NAALADL2: variants seen among roughly 807,000 people sequenced by gnomAD.
The protein encoded by NAALADL2 is N-acetylated alpha-linked acidic dipeptidase like 2, also known as inactive N-acetylated-alpha-linked acidic dipeptidase-like protein 2.
Under a neutral mutation model 87.2 loss-of-function variants are expected in NAALADL2, and 76 were observed. That is an observed-to-expected ratio of 0.87 (90% confidence interval 0.72 to 1.05). The LOEUF (loss-of-function observed/expected upper bound fraction) is 1.05, where lower values mean the gene tolerates loss of function less well. Among genes scored for constraint, NAALADL2 ranks in the 50% least tolerant of loss-of-function variants. The pLI is 0.00. For missense variants in NAALADL2, 1,089 were observed against 945.8 expected, an observed-to-expected ratio of 1.15 and a Z score of -1.99; for synonymous variants, 354 against 331.0, an observed-to-expected ratio of 1.07 and a Z score of -0.75.
At chr3:175,391,565 G>A (rs961590444) in intron 5 of NAALADL2, among the ~76,000 whole-genome samples, 9 of 152,188 alleles carry the variant, frequency 5.9e-5, no homozygotes, top group Admixed American at 5.2e-4. Context: ...ACTGAACATT[G>A]ACAGCAAACC....
intron 1 of NAALADL2, among the ~76,000 whole-genome samples, chr3:174,526,575 T>G (rs1231260924): frequency 6.6e-6 from 1 of 152,248 alleles, no homozygotes; most frequent in African/African-American, 2.4e-5. Flanking sequence ...TTCATAATTT[T>G]TCCATGGGAA....
chr3:175,177,919 T>G (rs572028247), intron 2 of NAALADL2, among the ~76,000 whole-genome samples: 2 of 152,012 alleles, frequency 1.3e-5, no homozygotes, highest in South Asian at 4.1e-4. Context: ...TCTAGTGTCA[T>G]GGGTATTGTC....
intron 2 of NAALADL2, among the ~76,000 whole-genome samples, chr3:174,646,460 T>C (rs1723789759): frequency 6.6e-6 from 1 of 152,104 alleles, no homozygotes; most frequent in Admixed American, 6.5e-5. Context: ...GCTATGTGTT[T>C]GTGTGTGTGT....
At chr3:175,199,327 T>C (rs1005419519) in intron 2 of NAALADL2, among the ~76,000 whole-genome samples, 1 of 152,244 alleles carries the variant, frequency 6.6e-6, no homozygotes, top group Middle Eastern at 3.4e-3. Context: ...ATTCACAGTA[T>C]CTTTTTTTCT....
At chr3:174,819,263 C>T (rs1286023728) in intron 3 of NAALADL2, among the ~76,000 whole-genome samples, 1 of 151,530 alleles carries the variant, frequency 6.6e-6, no homozygotes, top group Non-Finnish European at 1.5e-5. Context: ...GAGGGTTTCA[C>T]CATGTTGCCC....
At chr3:175,531,563 G>C (rs1195093934) in intron 9 of NAALADL2, among the ~76,000 whole-genome samples, 2 of 152,226 alleles carry the variant, frequency 1.3e-5, no homozygotes, top group Non-Finnish European at 2.9e-5. Context: ...CTCTCAATAA[G>C]ATTATGACAC....
chr3:174,520,752 C>A (rs527925334), intron 1 of NAALADL2, among the ~76,000 whole-genome samples: 1 of 152,194 alleles, frequency 6.6e-6, no homozygotes, highest in African/African-American at 2.4e-5. Context: ...AACGAAATAA[C>A]CAACAGAGGT....
chr3:175,609,343 A>G (rs1724261763), intron 10 of NAALADL2: 1 of 152,210 alleles, frequency 6.6e-6, no homozygotes, highest in African/African-American at 2.4e-5. Context: ...TATTAAAGGA[A>G]GCATAGAAAA....
intron 2 of NAALADL2, among the ~76,000 whole-genome samples, chr3:175,230,389 A>G (rs1181269678): frequency 2.0e-5 from 3 of 152,082 alleles, no homozygotes; most frequent in African/African-American, 7.2e-5. Context: ...ACTAGGATAA[A>G]ATATGTGCCA....
rs905533356 is a variant in NAALADL2, at chr3:175,584,328, C to T, written c.1800+8141C>T. 5.9e-5 allele frequency among the ~76,000 whole-genome samples: 9 copies of T among 151,984 alleles called. 1 individual carries two copies. The highest frequency in any genetic ancestry group is 2.1e-4 in the South Asian group (1 of 4,824). ...CTGGGATTACAGGTGTGAGCTACCA[C>T]GCCCGCCCTACTGTTATCACTTTTA... On this transcript the variant is annotated intron_variant, in intron 10 of 13. Transcript: ENST00000454872.
chr3:175,595,502 G>T (rs924030251), intron 10 of NAALADL2, among the ~76,000 whole-genome samples: 4 of 151,910 alleles, frequency 2.6e-5, no homozygotes, highest in Non-Finnish European at 5.9e-5. Flanking sequence ...CCACCGAAAG[G>T]CTGCTAGAAC....
intron 9 of NAALADL2, among the ~76,000 whole-genome samples, chr3:175,537,478 C>T (rs1711507187): frequency 6.6e-6 from 1 of 152,182 alleles, no homozygotes; most frequent in Admixed American, 6.5e-5. Context: ...TTTATATTGA[C>T]TTTTACAATT....
intron 9 of NAALADL2, among the ~76,000 whole-genome samples, chr3:175,493,747 T>C (rs1024761629): frequency 6.6e-6 from 1 of 152,190 alleles, no homozygotes; most frequent in Non-Finnish European, 1.5e-5. Flanking sequence ...GTTTTTTCAA[T>C]CTGCTAGTAC....
chr3:174,810,813 G>C (rs1384984981), intron 3 of NAALADL2, among the ~76,000 whole-genome samples: 1 of 152,102 alleles, frequency 6.6e-6, no homozygotes, highest in Non-Finnish European at 1.5e-5. Context: ...AGACCTCGAA[G>C]GTATTTCACA....
At chr3:174,850,727 A>G (rs1039684922) in intron 3 of NAALADL2, among the ~76,000 whole-genome samples, 1 of 152,138 alleles carries the variant, frequency 6.6e-6, no homozygotes, top group Non-Finnish European at 1.5e-5. Flanking sequence ...GAAATCAACA[A>G]ATCAACATGG....
intron 2 of NAALADL2, among the ~76,000 whole-genome samples, chr3:175,181,718 T>TGTGTGTATATGC (rs1553802465): frequency 0.016 from 1,157 of 72,332 alleles, 13 homozygotes; most frequent in South Asian, 0.032. Flanking sequence ...TGTGTGTGTG[T>TGTGTGTATATGC]ATATATATGT....
rs75013693 is a variant in NAALADL2, at chr3:175,564,219, C to G, written c.1654-11822C>G. On this transcript the variant is annotated intron_variant, in intron 9 of 13. Transcript: ENST00000454872. ...GAGCACCTACCTGATTTACAGCTGCCCTCTAACCCTGGTCACAGAGAGGAC... is the reference window on the plus strand; with the variant it reads ...GAGCACCTACCTGATTTACAGCTGCGCTCTAACCCTGGTCACAGAGAGGAC... Among the ~76,000 whole-genome samples, 960 of 152,128 alleles carry G rather than the reference C, an allele frequency of 6.3e-3. 9 individuals carry two copies. The highest frequency in any genetic ancestry group is 0.022 in the African/African-American group (892 of 41,480).
chr3:174,765,105 C>T (rs537941721), intron 3 of NAALADL2, among the ~76,000 whole-genome samples: 34 of 148,334 alleles, frequency 2.3e-4, no homozygotes, highest in Middle Eastern at 3.5e-3. Context: ...ATAAAATACA[C>T]ACAGAAATAC....
At chr3:175,752,203 G>T (rs1032624784) in intron 12 of NAALADL2, among the ~76,000 whole-genome samples, 1 of 152,004 alleles carries the variant, frequency 6.6e-6, no homozygotes, top group African/African-American at 2.4e-5. Flanking sequence ...TGATTACATA[G>T]GGTTCTTTCC....
Sources: gnomAD v4.1 joint callset for allele counts (sites outside exome capture counted in the v4.1 genomes callset) on GRCh38, gnomAD v4.1.1 for gene constraint, MANE v1.5 for transcripts, NCBI Gene and HGNC (gene_info 2026-07-23, HGNC 2026-07-21) for gene names.